NKX3-2: variants seen among roughly 807,000 people sequenced by gnomAD.
The protein encoded by NKX3-2 is NK3 homeobox 2.
In NKX3-2, 13 loss-of-function variants were observed where a neutral mutation model predicts 19.4. The observed-to-expected ratio is 0.67, with a 90% CI of 0.44 to 1.07. The LOEUF is 1.07. Ranked by LOEUF, NKX3-2 falls within the 50% of genes least tolerant of loss-of-function variation. The pLI, the probability that NKX3-2 is intolerant of heterozygous loss-of-function variation, is 0.00. For synonymous variants in NKX3-2, 269 were observed against 230.5 expected (o/e 1.17, Z -1.51); for missense variants, 562 against 488.2 (o/e 1.15, Z -1.42).
rs200291862 is a variant in NKX3-2, at chr4:13,544,307, G to A, written c.108C>T (p.Pro36=). 4.6e-4 allele frequency: 704 copies of A among 1,530,282 alleles called. No individual in the cohort carries two copies. The African/African-American group carries it at 8.9e-3, about 19-fold the overall frequency. 94.8% of individuals were successfully genotyped at this position (1,530,282 alleles called of 1,614,324 possible). Residue 36 remains proline, a synonymous_variant, in exon 1 of 2, where the codon CCC becomes CCT. Transcript: ENST00000382438. Reference sequence around the variant, plus strand: ...CGGCCACCGATGCCGCTGTGCCCCCGGGCGCCGGGCGCCCCTCTGGCGCGG... The same window carrying A: ...CGGCCACCGATGCCGCTGTGCCCCCAGGCGCCGGGCGCCCCTCTGGCGCGG... ...GLAAPEGRPA[P]GGTAASVAAA...
In NKX3-2 at chr4:13,544,042, G is replaced by C. The variant is rs754779348; in HGVS notation, c.373C>G (p.Leu125Val). The change falls in exon 1 of 2, where the codon CTC becomes GTC. Residue 125 changes from leucine to valine, a missense_variant. Transcript: ENST00000382438. Reference sequence around the variant, plus strand: ...GCCAGCTCACAGACCGGCTGGCCGAGGCTCAAGGATCCCCCCGCAAGGCCG... The same window carrying C: ...GCCAGCTCACAGACCGGCTGGCCGACGCTCAAGGATCCCCCCGCAAGGCCG... ...GAGLAGGSLSLGQPVCELAAS... is the reference protein window; with the variant it reads ...GAGLAGGSLSVGQPVCELAAS... The C allele has an allele frequency of 6.4e-7, 1 of 1,565,160 alleles. No homozygotes were observed. The highest frequency in any genetic ancestry group is 8.6e-7 in the Non-Finnish European group (1 of 1,158,460).
chr4:13,544,053 C>A lies in NKX3-2; in HGVS notation c.362G>T (p.Gly121Val), dbSNP rs1005638560. 3.2e-6 allele frequency: 5 copies of A among 1,568,506 alleles called. No homozygotes were observed. Among genetic ancestry groups the A allele is most frequent in the Non-Finnish European group, 3.4e-6 (4 of 1,160,144 alleles). ...GACCGGCTGGCCGAGGCTCAAGGAT[C>A]CCCCCGCAAGGCCGGCCCCGCTGGC... is the stretch of plus-strand genomic sequence containing the variant. ...RGASGAGLAGGSLSLGQPVCE... is the reference protein window; with the variant it reads ...RGASGAGLAGVSLSLGQPVCE... Residue 121 changes from glycine to valine, a missense_variant, in exon 1 of 2, where the codon GGA becomes GTA. Coordinates refer to ENST00000382438, the MANE Select transcript of NKX3-2 (RefSeq NM_001189.4).
upstream of NKX3-2, chr4:13,546,069 A>G (rs1470270294): frequency 6.6e-6 from 1 of 152,266 alleles, no homozygotes; most frequent in Admixed American, 6.5e-5. Context: ...AACTTGAACC[A>G]TTAAATACAT....
At chr4:13,545,360 T>C (rs182729492), upstream of NKX3-2, among the ~76,000 whole-genome samples, 3 of 152,370 alleles carry the variant, frequency 2.0e-5, no homozygotes, top group Non-Finnish European at 4.4e-5. Context: ...GAGTCAAATC[T>C]GCGGAGAAAA....
At chr4:13,547,721 G>C (rs754236140), upstream of NKX3-2, 1 of 154,074 alleles carries the variant, frequency 6.5e-6, no homozygotes, top group Non-Finnish European at 1.4e-5. Context: ...CGCGGGCGGC[G>C]GGCGGAGAGC....
upstream of NKX3-2, chr4:13,545,124 C>G (rs1192904192): frequency 6.6e-6 from 1 of 152,416 alleles, no homozygotes; most frequent in Non-Finnish European, 1.5e-5. Flanking sequence ...CGGGCGCTCC[C>G]GGCCGTCCAT....
At chr4:13,546,563 C>T (rs1412331090), upstream of NKX3-2, 6 of 282,556 alleles carry the variant, frequency 2.1e-5, no homozygotes, top group Admixed American at 1.4e-4. Flanking sequence ...AGGAGATTGA[C>T]ACTGGTTGCC....
chr4:13,544,065 C>G lies in NKX3-2; in HGVS notation c.350G>C (p.Gly117Ala), dbSNP rs539837783. 19 of 1,575,026 alleles carry G rather than the reference C, an allele frequency of 1.2e-5. No homozygotes were observed. In the South Asian group the frequency reaches 2.1e-4, roughly 17 times the overall value. The change falls in exon 1 of 2, where the codon GGC (glycine) becomes GCC (alanine). Residue 117 changes from glycine to alanine, a missense_variant. Transcript: ENST00000382438. ...GAGGCTCAAGGATCCCCCCGCAAGG[C>G]CGGCCCCGCTGGCCCCCCGCGCGTC... ...CADARGASGA[G>A]LAGGSLSLGQ...
chr4:13,547,201 G>C (rs1317286980), upstream of NKX3-2: 1 of 456,400 alleles, frequency 2.2e-6, no homozygotes. Flanking sequence ...GCGTAACTAC[G>C]GAGTCCAGGC....
chr4:13,546,589 G>T (rs1200924698), upstream of NKX3-2: 1 of 281,836 alleles, frequency 3.5e-6, no homozygotes, highest in Non-Finnish European at 7.1e-6. Context: ...GGTAGGGGAC[G>T]GGCAGGTATG....
In NKX3-2 at chr4:13,544,448, G is replaced by A. The variant is rs1310302745; in HGVS notation, c.-34C>T. ...CGGGCAGGAGCGGCCGGCGGGGCGG[G>A]CAGCTGGGGCGCCGAGCAGCTCCGA... On this transcript the variant is annotated 5_prime_UTR_variant, in exon 1 of 2. Coordinates refer to ENST00000382438, the MANE Select transcript of NKX3-2 (RefSeq NM_001189.4). 3.5e-6 allele frequency: 5 copies of A among 1,438,728 alleles called. No homozygotes were observed. The highest frequency in any genetic ancestry group is 4.6e-6 in the Non-Finnish European group (5 of 1,097,794). The allele number at this position is 1,438,728 out of a possible 1,614,324, so 89.1% of individuals were successfully genotyped here. A position where few individuals can be genotyped will look rare whatever the true frequency, so the allele number is the denominator to read the frequency against.
Position 13,544,470 on chromosome 4 carries a change from C to G in NKX3-2, c.-56G>C, listed in dbSNP as rs1178357434. The stretch of plus-strand genomic sequence containing the variant: ...CGGGCAGCTGGGGCGCCGAGCAGCT[C>G]CGAGCGGGACAGAGAGCGCCGGCGG... On this transcript the variant is annotated 5_prime_UTR_variant, in exon 1 of 2. Transcript: ENST00000382438. The G allele has an allele frequency of 1.5e-6, 2 of 1,323,958 alleles. No homozygotes were observed. The highest frequency in any genetic ancestry group is 1.6e-5 in the African/African-American group (1 of 64,014). The allele number at this position is 1,323,958 out of a possible 1,614,324, so 82.0% of individuals were successfully genotyped here. A position where few individuals can be genotyped will look rare whatever the true frequency, so the allele number is the denominator to read the frequency against.
upstream of NKX3-2, chr4:13,547,071 G>A (rs1165793800): frequency 6.6e-6 from 3 of 456,248 alleles, no homozygotes; most frequent in Middle Eastern, 3.2e-4. Flanking sequence ...TGGGTGCTTG[G>A]CGCGGAGGGT....
upstream of NKX3-2, chr4:13,546,378 T>C (rs1200701607): frequency 1.3e-5 from 2 of 158,674 alleles, no homozygotes; most frequent in Non-Finnish European, 1.4e-5. Flanking sequence ...TACATCAGTT[T>C]TGAAGGAACG....
Position 13,543,697 on chromosome 4 carries a change from C to A in NKX3-2, c.466+252G>T, listed in dbSNP as rs1483621312. Among the ~76,000 whole-genome samples, 1 of 152,250 alleles carries A rather than the reference C, an allele frequency of 6.6e-6. No individual in the cohort carries two copies. The highest frequency in any genetic ancestry group is 1.5e-5 in the Non-Finnish European group (1 of 68,046). ...GGGGCAGCGGTTCTCCCAACCCAGT[C>A]TAATGCACATTGGCCCAGGATGTCT... On this transcript the variant is annotated intron_variant, in intron 1 of 1. Coordinates refer to ENST00000382438, the MANE Select transcript of NKX3-2 (RefSeq NM_001189.4). This position sits in a 1 kb window ranked among gnomAD's most constrained non-coding sequence, Gnocchi z 7.1.
chr4:13,544,161 G>T lies in NKX3-2; in HGVS notation c.254C>A (p.Ala85Glu). The change falls in exon 1 of 2, where the codon GCG becomes GAG. Residue 85 changes from alanine (A) to glutamate (E), a missense_variant. Transcript: ENST00000382438. ...CGAGTCCCAGCCTTCCGGGCTCTCC[G>T]CAGTCCGCCCCGCAGCTGTTCTGGT... is the stretch of plus-strand genomic sequence containing the variant. The part of the protein sequence containing the change: ...AGTRTAAGRT[A>E]ESPEGWDSDS... 5 of 1,605,548 alleles carry T rather than the reference G, an allele frequency of 3.1e-6. No homozygotes were observed. Among genetic ancestry groups the T allele is most frequent in the South Asian group, 2.2e-5 (2 of 90,528 alleles).
rs371597026 is a variant in NKX3-2, at chr4:13,544,267, A to G, written c.148T>C (p.Cys50Arg). ...CTCTCCCCAAAGAGCCGCCAACAGC[A>G]GACAGCGGGAGCCGCGGCCACCGAT... The part of the protein sequence containing the change: ...AASVAAAPAV[C>R]CWRLFGERDA... The change falls in exon 1 of 2, where the codon TGC becomes CGC. Residue 50 changes from cysteine to arginine, a missense_variant. Transcript: ENST00000382438. 3.2e-6 allele frequency: 5 copies of G among 1,559,910 alleles called. No individual in the cohort carries two copies. Among genetic ancestry groups the G allele is most frequent in the Non-Finnish European group, 4.3e-6 (5 of 1,161,660 alleles).
rs1380404487 is a variant in NKX3-2, at chr4:13,542,860, C to T, written c.467-332G>A. Among the ~76,000 whole-genome samples the T allele has an allele frequency of 6.6e-6, 1 of 151,996 alleles. No individual in the cohort carries two copies. Among genetic ancestry groups the T allele is most frequent in the African/African-American group, 2.4e-5 (1 of 41,400 alleles). On this transcript the variant is annotated intron_variant, in intron 1 of 1. Coordinates refer to ENST00000382438, the MANE Select transcript of NKX3-2 (RefSeq NM_001189.4). The surrounding 1 kb of genome is among the most constrained non-coding windows in gnomAD (Gnocchi z 6.4). Reference sequence around the variant, plus strand: ...ACCCGAGCATCCGCGAAAGCCCTCCCGGCTCTCAGCGTTGAGCATTGGGAT... The same window carrying T: ...ACCCGAGCATCCGCGAAAGCCCTCCTGGCTCTCAGCGTTGAGCATTGGGAT...
Position 13,543,711 on chromosome 4 carries a change from C to G in NKX3-2, c.466+238G>C, listed in dbSNP as rs1253293606. Among the ~76,000 whole-genome samples the G allele has an allele frequency of 6.6e-6, 1 of 152,212 alleles. No individual in the cohort carries two copies. Among genetic ancestry groups the G allele is most frequent in the Non-Finnish European group, 1.5e-5 (1 of 68,044 alleles). On this transcript the variant is annotated intron_variant, in intron 1 of 1. Transcript: ENST00000382438. The surrounding 1 kb of genome is among the most constrained non-coding windows in gnomAD (Gnocchi z 7.1). ...CCCAACCCAGTCTAATGCACATTGG[C>G]CCAGGATGTCTCAGGCCTCACCCCA...
Sources: allele counts gnomAD v4.1 joint callset (sites outside exome capture counted in the v4.1 genomes callset), GRCh38; gene constraint gnomAD v4.1.1; non-coding constraint Gnocchi (gnomAD v3.1); transcripts MANE v1.5; gene names NCBI Gene and HGNC (gene_info 2026-07-23, HGNC 2026-07-21).